The following DAPK2 variants were observed in gnomAD, a reference collection of about 807,000 sequenced individuals.
The protein encoded by DAPK2 is death associated protein kinase 2, also known as death-associated protein kinase 2.
A neutral mutation model predicts 44.1 loss-of-function variants in DAPK2; 35 were observed. The observed-to-expected ratio is 0.79, with a 90% CI of 0.61 to 1.05. The LOEUF (loss-of-function observed/expected upper bound fraction) is 1.05, where lower values mean the gene tolerates loss of function less well. DAPK2 is among the 50% of genes least tolerant of loss of function. The pLI is 0.00. For missense variants in DAPK2, 453 were observed against 483.2 expected (o/e 0.94, Z 0.59); for synonymous variants, 174 against 182.6 (o/e 0.95, Z 0.38).
chr15:63,967,302 G>C (rs1212368922), intron 3 of DAPK2, among the ~76,000 whole-genome samples: 1 of 152,228 alleles, frequency 6.6e-6, no homozygotes, highest in Non-Finnish European at 1.5e-5. Flanking sequence ...TCAATTTGGT[G>C]TTCTTGCAGG....
At chr15:64,036,309 G>GTGTGTA (rs1255068392) in intron 1 of DAPK2, among the ~76,000 whole-genome samples, 14 of 60,518 alleles carry the variant, frequency 2.3e-4, no homozygotes, top group African/African-American at 4.9e-4. Flanking sequence ...GTGTGTGTGT[G>GTGTGTA]TATATATATG....
chr15:64,030,430 C>A (rs2141138618), intron 1 of DAPK2, among the ~76,000 whole-genome samples: 2 of 152,208 alleles, frequency 1.3e-5, no homozygotes, highest in Middle Eastern at 3.4e-3. Flanking sequence ...ACTCTCCAAC[C>A]CTGAACTGGG....
intron 3 of DAPK2, among the ~76,000 whole-genome samples, chr15:63,940,262 T>C (rs1489211396): frequency 2.0e-5 from 3 of 152,110 alleles, no homozygotes; most frequent in South Asian, 4.2e-4. Context: ...AAAATATGTA[T>C]ACAAATGTTC....
At chr15:63,913,030 A>T (rs2078837029) in intron 8 of DAPK2, among the ~76,000 whole-genome samples, 1 of 152,194 alleles carries the variant, frequency 6.6e-6, no homozygotes, top group South Asian at 2.1e-4. Context: ...ATTCATAAAA[A>T]ATTGAGTCCA....
chr15:64,020,103 C>T lies in DAPK2; in HGVS notation c.92+20067G>A, dbSNP rs1342705788. ...TCTAGATGAGTGATTCCTGCCCCAG[C>T]TGAGTAGACAGCCCATGGCCCAGTA... is the stretch of plus-strand genomic sequence containing the variant. On this transcript the variant is annotated intron_variant, in intron 1 of 10. Coordinates refer to ENST00000261891, the Ensembl canonical transcript of DAPK2. The surrounding 1 kb of genome is among the most constrained non-coding windows in gnomAD (Gnocchi z 4.5). Among the ~76,000 whole-genome samples the T allele has an allele frequency of 2.6e-5, 4 of 152,204 alleles. No homozygotes were observed. The highest frequency in any genetic ancestry group is 5.9e-5 in the Non-Finnish European group (4 of 68,036).
At chr15:63,958,497 T>A (rs1324231594) in intron 3 of DAPK2, among the ~76,000 whole-genome samples, 1 of 152,246 alleles carries the variant, frequency 6.6e-6, no homozygotes, top group African/African-American at 2.4e-5. Context: ...GTCTAACATT[T>A]AAGTCTTTAA....
intron 2 of DAPK2, among the ~76,000 whole-genome samples, chr15:63,973,363 G>A (rs2078264054): frequency 6.6e-6 from 1 of 152,232 alleles, no homozygotes; most frequent in African/African-American, 2.4e-5. Flanking sequence ...CAAAGCTGCA[G>A]GGGCAAGACC....
Position 63,939,381 on chromosome 15 carries a change from A to C in DAPK2, c.454-20T>G, listed in dbSNP as rs750486428. On this transcript the variant is annotated intron_variant, in intron 3 of 10. Transcript: ENST00000261891. This position sits in a 1 kb window ranked among gnomAD's most constrained non-coding sequence, Gnocchi z 4.3. ...TTCTGGCTGGACAACAAAAAGTAGAAAAAAAAAAAAGGAAGGAAGAAAAGA... is the reference window on the plus strand; with the variant it reads ...TTCTGGCTGGACAACAAAAAGTAGACAAAAAAAAAAGGAAGGAAGAAAAGA... 19 of 1,508,986 alleles carry C rather than the reference A, an allele frequency of 1.3e-5. No individual in the cohort carries two copies. The East Asian group carries it at 4.2e-4, about 33-fold the overall frequency. 93.5% of individuals were successfully genotyped at this position (1,508,986 alleles called of 1,614,324 possible). A position where few individuals can be genotyped will look rare whatever the true frequency, so the allele number is the denominator to read the frequency against.
chr15:63,979,994 C>T (rs1246902860), intron 2 of DAPK2, among the ~76,000 whole-genome samples: 2 of 152,164 alleles, frequency 1.3e-5, no homozygotes, highest in Admixed American at 6.5e-5. Context: ...CCTGGCCATA[C>T]ATGGGTTAGG....
At chr15:64,015,286 C>T (rs1415575377) in intron 1 of DAPK2, among the ~76,000 whole-genome samples, 4 of 150,990 alleles carry the variant, frequency 2.6e-5, no homozygotes, top group Non-Finnish European at 5.9e-5. Context: ...ACCACTCTGA[C>T]GTTCAAAAGT....
chr15:64,021,210 C>T (rs895865340), intron 1 of DAPK2, among the ~76,000 whole-genome samples: 13 of 152,124 alleles, frequency 8.5e-5, no homozygotes, highest in African/African-American at 2.7e-4. Flanking sequence ...CAGTCACTTT[C>T]GGGAGGAACA....
rs746150895 is a variant in DAPK2, at chr15:63,923,210, C to T, written c.858+1606G>A. ...CACGTCTTCCACCACACAGGCAAAA[C>T]GCTCGAAGTTGACATAGGAGTTGTT... On this transcript the variant is annotated intron_variant, in intron 8 of 10. Transcript: ENST00000261891. The surrounding 1 kb of genome is among the most constrained non-coding windows in gnomAD (Gnocchi z 4.2). The T allele has an allele frequency of 1.3e-4, 198 of 1,535,770 alleles. No individual in the cohort carries two copies. Among genetic ancestry groups the T allele is most frequent in the Admixed American group, 2.2e-4 (11 of 50,976 alleles).
chr15:63,934,543 C>T (rs1182569434), intron 4 of DAPK2, among the ~76,000 whole-genome samples: 1 of 151,942 alleles, frequency 6.6e-6, no homozygotes, highest in Non-Finnish European at 1.5e-5. Context: ...AGGTGTGAGC[C>T]ATGGCACCCA....
intron 3 of DAPK2, among the ~76,000 whole-genome samples, chr15:63,943,107 C>CTTTTTT (rs1157710505): frequency 3.7e-5 from 1 of 26,686 alleles, no homozygotes; most frequent in Non-Finnish European, 7.0e-5. Flanking sequence ...GTTATCATTC[C>CTTTTTT]TTTTGCAAAA....
chr15:64,008,213 T>TG (rs1158873305), intron 1 of DAPK2, among the ~76,000 whole-genome samples: 91 of 152,328 alleles, frequency 6.0e-4, no homozygotes, highest in African/African-American at 2.1e-3. Context: ...ATTATATCTG[T>TG]TTTTTTAAAA....
intron 1 of DAPK2, among the ~76,000 whole-genome samples, chr15:64,031,746 T>C (rs1567286172): frequency 6.6e-6 from 1 of 152,256 alleles, no homozygotes; most frequent in Non-Finnish European, 1.5e-5. Context: ...ATCTCCTTGA[T>C]AAGGTAGGTT....
rs1555484569 is a variant in DAPK2 at position 64,036,326 on chromosome 15, T to TACAC, written c.92+3843_92+3844insGTGT. 1.0e-4 allele frequency among the ~76,000 whole-genome samples: 11 copies of TACAC among 109,694 alleles called. 1 individual carries two copies. Among genetic ancestry groups the TACAC allele is most frequent in the African/African-American group, 3.3e-4 (11 of 33,628 alleles). The allele number at this position is 109,694 out of a possible 152,430, so 72.0% of individuals were successfully genotyped here. On this transcript the variant is annotated intron_variant, in intron 1 of 10. Coordinates refer to ENST00000261891, the Ensembl canonical transcript of DAPK2. ...GTGTGTGTGTATATATATGTATATATATATATATATACATATATATATATA... is the reference window on the plus strand; with the variant it reads ...GTGTGTGTGTATATATATGTATATATACACATATATATATACATATATATATATA...
At chr15:63,943,906 A>G (rs1275187543) in intron 3 of DAPK2, among the ~76,000 whole-genome samples, 2 of 152,114 alleles carry the variant, frequency 1.3e-5, no homozygotes, top group African/African-American at 4.8e-5. Context: ...AATCTATCCC[A>G]GAGAGAAGCA....
intron 1 of DAPK2, among the ~76,000 whole-genome samples, chr15:63,999,835 A>G (rs1394553117): frequency 6.6e-6 from 1 of 151,818 alleles, no homozygotes; most frequent in Non-Finnish European, 1.5e-5. Context: ...GCACAATTAC[A>G]GTTCACTGCA....
Sources: gnomAD v4.1 joint callset for allele counts (sites outside exome capture counted in the v4.1 genomes callset) on GRCh38, gnomAD v4.1.1 for gene constraint, Gnocchi (gnomAD v3.1) non-coding constraint, MANE v1.5 for transcripts, NCBI Gene and HGNC (gene_info 2026-07-23, HGNC 2026-07-21) for gene names.